The following ERG variants were observed in gnomAD, a reference collection of about 807,000 sequenced individuals.
ERG encodes the protein transcriptional regulator ERG.
A neutral mutation model predicts 55.3 loss-of-function variants in ERG; 9 were observed. The ratio of observed to expected loss-of-function variants is 0.16; its 90% CI spans 0.10 to 0.28. ERG has a LOEUF of 0.28. ERG is among the 10% of genes least tolerant of loss of function. The pLI is 1.00. For synonymous variants in ERG, 223 were observed against 237.3 expected (o/e 0.94, Z 0.55); for missense variants, 434 against 631.6 (o/e 0.69, Z 3.35).
At chr21:38,476,971 G>C (rs1439537637) in intron 1 of ERG, among the ~76,000 whole-genome samples, 10 of 147,804 alleles carry the variant, frequency 6.8e-5, no homozygotes, top group Non-Finnish European at 1.2e-4. Flanking sequence ...AACACAACTT[G>C]ATGCTTGAGA....
At chr21:38,558,735 C>T (rs995025596) in intron 2 of ERG, among the ~76,000 whole-genome samples, 6 of 152,076 alleles carry the variant, frequency 3.9e-5, no homozygotes, top group East Asian at 1.9e-4. Context: ...ACTTAACACA[C>T]GGAGGTGACA....
chr21:38,470,841 G>A (rs1262171042), intron 1 of ERG: 2 of 152,156 alleles, frequency 1.3e-5, no homozygotes, highest in Non-Finnish European at 2.9e-5. Flanking sequence ...TGTGCATTTT[G>A]AGTTGAAAGC....
intron 2 of ERG, among the ~76,000 whole-genome samples, chr21:38,508,675 G>A (rs2059488227): frequency 6.6e-6 from 1 of 152,192 alleles, no homozygotes; most frequent in African/African-American, 2.4e-5. Context: ...TGCATTTCTA[G>A]ACATTTGCCA....
chr21:38,511,369 G>A (rs2059510188), intron 2 of ERG, among the ~76,000 whole-genome samples: 1 of 152,164 alleles, frequency 6.6e-6, no homozygotes, highest in African/African-American at 2.4e-5. Flanking sequence ...ATGCCTATGG[G>A]TACAAAGCTA....
chr21:38,602,536 C>A (rs2060170865), intron 1 of ERG, among the ~76,000 whole-genome samples: 2 of 151,978 alleles, frequency 1.3e-5, no homozygotes, highest in African/African-American at 4.8e-5. Context: ...TAAATGTGGA[C>A]TTTAACGGGG....
chr21:38,457,635 G>A (rs1338673611), intron 1 of ERG, among the ~76,000 whole-genome samples: 1 of 152,162 alleles, frequency 6.6e-6, no homozygotes, highest in Non-Finnish European at 1.5e-5. Flanking sequence ...TGAGGTCATG[G>A]ATGTTCACAT....
intron 2 of ERG, among the ~76,000 whole-genome samples, chr21:38,514,341 C>T (rs1296475527): frequency 6.6e-6 from 1 of 151,554 alleles, no homozygotes; most frequent in African/African-American, 2.4e-5. Flanking sequence ...CAATTTCATA[C>T]ATAAACATAG....
At chr21:38,389,406 G>T (rs1987864318) in intron 9 of ERG, among the ~76,000 whole-genome samples, 1 of 152,042 alleles carries the variant, frequency 6.6e-6, no homozygotes, top group Non-Finnish European at 1.5e-5. Flanking sequence ...CTGTTTGATT[G>T]TTATTTCACA....
chr21:38,459,737 G>C (rs1537105), intron 1 of ERG, among the ~76,000 whole-genome samples: 88,295 of 151,952 alleles, frequency 0.58, 26,548 homozygotes, highest in East Asian at 0.85. Flanking sequence ...TATTCTCTTA[G>C]TCATAAGTTC....
At chr21:38,401,599 T>G (rs548467470) in intron 5 of ERG, among the ~76,000 whole-genome samples, 1 of 152,214 alleles carries the variant, frequency 6.6e-6, no homozygotes, top group East Asian at 1.9e-4. Flanking sequence ...ATTGGGAAAA[T>G]TGCGTATTTC....
intron 2 of ERG, among the ~76,000 whole-genome samples, chr21:38,423,948 A>T (rs1464673607): frequency 1.3e-5 from 2 of 152,058 alleles, no homozygotes; most frequent in East Asian, 1.9e-4. Flanking sequence ...TGCACTCCAG[A>T]CTGGCGACAG....
At chr21:38,385,573 C>T (rs556905004) in intron 9 of ERG, among the ~76,000 whole-genome samples, 1 of 152,284 alleles carries the variant, frequency 6.6e-6, no homozygotes, top group South Asian at 2.1e-4. Flanking sequence ...TACAATAGCA[C>T]TGTGAGAAAG....
At chr21:38,499,503 G>A (rs907419202), upstream of ERG, among the ~76,000 whole-genome samples, 1 of 152,024 alleles carries the variant, frequency 6.6e-6, no homozygotes, top group Non-Finnish European at 1.5e-5. Context: ...AAAGAGGTGT[G>A]GTCTCAATAG....
At chr21:38,572,409 A>G (rs2059964665) in intron 2 of ERG, among the ~76,000 whole-genome samples, 1 of 151,646 alleles carries the variant, frequency 6.6e-6, no homozygotes, top group African/African-American at 2.4e-5. Flanking sequence ...CAGAAATCAT[A>G]GCAGCGTTCC....
intron 1 of ERG, among the ~76,000 whole-genome samples, chr21:38,462,032 A>G (rs1382014263): frequency 6.6e-6 from 1 of 151,794 alleles, no homozygotes; most frequent in East Asian, 1.9e-4. Context: ...CCCAGGCTGG[A>G]ATGCAGTGGC....
At chr21:38,538,756 C>T (rs2836489) in intron 2 of ERG, among the ~76,000 whole-genome samples, 80,979 of 151,734 alleles carry the variant, frequency 0.53, 22,492 homozygotes, top group Non-Finnish European at 0.62. Context: ...GTGCTTGTTA[C>T]CTGGAATTGA....
upstream of ERG, among the ~76,000 whole-genome samples, chr21:38,499,876 G>A (rs1322941548): frequency 6.7e-6 from 1 of 149,374 alleles, no homozygotes; most frequent in Non-Finnish European, 1.5e-5. Flanking sequence ...GAGGGAGGGA[G>A]GGAAAGAAAG....
At position 38,465,882 on chromosome 21, in the gene ERG, T is replaced by A. The variant is rs539197852; in HGVS notation, c.19-20261A>T. On this transcript the variant is annotated intron_variant, in intron 1 of 9. Transcript: ENST00000288319. The stretch of plus-strand genomic sequence containing the variant: ...TCCCATCCCCATCAAAACTAGAGAT[T>A]GAAATAAGGAGATGAGATGGCCCTC... Among the ~76,000 whole-genome samples the A allele has an allele frequency of 1.9e-4, 29 of 152,162 alleles. No individual in the cohort carries two copies. In the South Asian group the frequency reaches 6.0e-3, roughly 32 times the overall value.
Position 38,382,772 on chromosome 21 carries a change from T to G in ERG, c.*631A>C. On this transcript the variant is annotated 3_prime_UTR_variant, in exon 10 of 10. Coordinates refer to ENST00000288319, the MANE Select transcript of ERG (RefSeq NM_182918.4). ...CCCACCTTTTAGTTCATAGTCCCGG[T>G]AATACTGTAAAGGAGTTGGAAACTT... The G allele has an allele frequency of 9.4e-7, 1 of 1,066,050 alleles. No homozygotes were observed. The highest frequency in any genetic ancestry group is 1.1e-6 in the Non-Finnish European group (1 of 879,486). 66.0% of individuals were successfully genotyped at this position (1,066,050 alleles called of 1,614,324 possible).
Sources: allele counts gnomAD v4.1 joint callset (sites outside exome capture counted in the v4.1 genomes callset), GRCh38; gene constraint gnomAD v4.1.1; transcripts MANE v1.5; gene names NCBI Gene and HGNC (gene_info 2026-07-23, HGNC 2026-07-21).